Variants in SNTG1 observed in about 807,000 individuals in gnomAD.
SNTG1 encodes the protein syntrophin gamma 1, also known as gamma-1-syntrophin.
In SNTG1, 39 loss-of-function variants were observed where a neutral mutation model predicts 74.7. That is an observed-to-expected ratio of 0.52 (90% CI 0.40 to 0.68). The LOEUF (loss-of-function observed/expected upper bound fraction) is 0.68. Ranked by LOEUF, SNTG1 falls within the 30% of genes least tolerant of loss-of-function variation. The pLI, the probability that SNTG1 is intolerant of heterozygous loss-of-function variation, is 0.00. For synonymous variants in SNTG1, 254 were observed against 217.1 expected (o/e 1.17, Z -1.49); for missense variants, 685 against 609.5 (o/e 1.12, Z -1.30).
At chr8:50,081,471 CA>C (rs1822403173) in intron 1 of SNTG1, among the ~76,000 whole-genome samples, 1 of 152,242 alleles carries the variant, frequency 6.6e-6, no homozygotes, top group African/African-American at 2.4e-5. Flanking sequence ...AAAATTGAGA[CA>C]TTTTCAATTA....
chr8:49,944,617 T>C (rs1403620500), intron 1 of SNTG1, among the ~76,000 whole-genome samples: 1 of 145,894 alleles, frequency 6.9e-6, no homozygotes, highest in Non-Finnish European at 1.5e-5. Flanking sequence ...TTAGGAGATA[T>C]ACCTAATGCT....
At chr8:50,288,120 T>C (rs2088888052) in intron 2 of SNTG1, among the ~76,000 whole-genome samples, 1 of 152,192 alleles carries the variant, frequency 6.6e-6, no homozygotes, top group African/African-American at 2.4e-5. Flanking sequence ...GAAAAATGCC[T>C]GCTCCATACA....
At chr8:50,539,295 T>C (rs988209672) in intron 11 of SNTG1, among the ~76,000 whole-genome samples, 17 of 151,924 alleles carry the variant, frequency 1.1e-4, no homozygotes, top group African/African-American at 4.1e-4. Flanking sequence ...AATCTGGGTT[T>C]TGTTGTTGTT....
At chr8:50,402,180 C>T in intron 3 of SNTG1, 30 bp from the exon 4 acceptor site, 3 of 1,577,738 alleles carry the variant, frequency 1.9e-6, no homozygotes, top group Non-Finnish European at 2.6e-6. Context: ...TATAATTTTT[C>T]CTCTGTTTGT....
At chr8:49,917,744 T>A (rs187649400) in intron 1 of SNTG1, among the ~76,000 whole-genome samples, 1 of 152,286 alleles carries the variant, frequency 6.6e-6, no homozygotes, top group East Asian at 1.9e-4. Flanking sequence ...TTCTGTTTTC[T>A]TATTCAAACC....
chr8:50,390,218 T>C (rs1358612852), intron 2 of SNTG1, among the ~76,000 whole-genome samples: 2 of 152,210 alleles, frequency 1.3e-5, no homozygotes, highest in Non-Finnish European at 2.9e-5. Flanking sequence ...TAGTTTTAGG[T>C]CTAACATTTA....
intron 1 of SNTG1, among the ~76,000 whole-genome samples, chr8:50,021,165 A>C (rs1816781287): frequency 6.6e-6 from 1 of 152,130 alleles, no homozygotes; most frequent in African/African-American, 2.4e-5. Context: ...CCACTCAATA[A>C]AACTGGCTCT....
intron 16 of SNTG1, among the ~76,000 whole-genome samples, chr8:50,706,863 G>A (rs1180683711): frequency 6.6e-6 from 1 of 151,450 alleles, no homozygotes; most frequent in East Asian, 1.9e-4. Flanking sequence ...AAATAAAGAA[G>A]GAATATAAGT....
chr8:50,714,164 T>A (rs545225651), intron 17 of SNTG1, among the ~76,000 whole-genome samples: 3 of 152,282 alleles, frequency 2.0e-5, no homozygotes, highest in African/African-American at 7.2e-5. Flanking sequence ...GTGTTATTTC[T>A]GATCCCTCTG....
intron 10 of SNTG1, 105 bp from the exon 11 acceptor site, chr8:50,536,573 A>G (rs2094308680): frequency 7.3e-7 from 1 of 1,374,974 alleles, no homozygotes; most frequent in African/African-American, 1.5e-5. Flanking sequence ...AAGTCTTTTG[A>G]TCATTTAGGG....
At chr8:50,203,046 C>G (rs968732613) in intron 2 of SNTG1, among the ~76,000 whole-genome samples, 2 of 151,950 alleles carry the variant, frequency 1.3e-5, no homozygotes, top group Non-Finnish European at 2.9e-5. Flanking sequence ...CTTCTTCTTT[C>G]TCCTCCTTAT....
chr8:50,716,384 C>G (rs1462146024), intron 17 of SNTG1, among the ~76,000 whole-genome samples: 1 of 151,948 alleles, frequency 6.6e-6, no homozygotes, highest in East Asian at 1.9e-4. Context: ...TCACATAAAT[C>G]TTAGCATTTT....
intron 8 of SNTG1, among the ~76,000 whole-genome samples, chr8:50,468,707 C>A (rs1455780452): frequency 6.6e-6 from 1 of 152,118 alleles, no homozygotes; most frequent in Non-Finnish European, 1.5e-5. Flanking sequence ...TTGTTCCCCT[C>A]CCCCACTCTT....
intron 1 of SNTG1, among the ~76,000 whole-genome samples, chr8:50,009,801 C>T (rs1815593343): frequency 6.6e-6 from 1 of 152,106 alleles, no homozygotes; most frequent in Non-Finnish European, 1.5e-5. Context: ...AGTTTGAGAC[C>T]AGCCTGGGAA....
chr8:50,546,580 T>A (rs2094389968), intron 11 of SNTG1, among the ~76,000 whole-genome samples: 1 of 143,120 alleles, frequency 7.0e-6, no homozygotes, highest in Admixed American at 7.0e-5. Context: ...CCCTTTCCTG[T>A]GTAAATGTGT....
intron 1 of SNTG1, among the ~76,000 whole-genome samples, chr8:50,103,652 A>G (rs1167197242): frequency 6.6e-6 from 1 of 152,172 alleles, no homozygotes; most frequent in Non-Finnish European, 1.5e-5. Flanking sequence ...TTTCAAAGGG[A>G]ATGCTTCCAG....
chr8:50,166,856 C>A (rs927884974), intron 1 of SNTG1, among the ~76,000 whole-genome samples: 10 of 151,286 alleles, frequency 6.6e-5, no homozygotes, highest in African/African-American at 9.8e-5. Context: ...ACAATAGCAG[C>A]GACTTGGAAC....
chr8:50,575,316 C>A (rs545349048), intron 12 of SNTG1, among the ~76,000 whole-genome samples: 10 of 152,242 alleles, frequency 6.6e-5, no homozygotes, highest in African/African-American at 2.4e-4. Flanking sequence ...ACTGAAATGA[C>A]CTTCTTTGAA....
At chr8:50,496,044 C>G (rs1041369477) in intron 8 of SNTG1, among the ~76,000 whole-genome samples, 2 of 152,152 alleles carry the variant, frequency 1.3e-5, no homozygotes, top group African/African-American at 4.8e-5. Context: ...TTAGAGTGAA[C>G]AGTAAAGTGT....
Sources: gnomAD v4.1 joint callset for allele counts (sites outside exome capture counted in the v4.1 genomes callset) on GRCh38, gnomAD v4.1.1 for gene constraint, MANE v1.5 for transcripts, NCBI Gene and HGNC (gene_info 2026-07-23, HGNC 2026-07-21) for gene names.